The following TACC3 variants were observed in gnomAD, a reference collection of about 807,000 sequenced individuals.
TACC3 encodes transforming acidic coiled-coil containing protein 3, also known as transforming acidic coiled-coil-containing protein 3.
Under a neutral mutation model 86.0 loss-of-function variants are expected in TACC3, and 52 were observed. The observed-to-expected ratio is 0.60, with a 90% CI of 0.48 to 0.76. The LOEUF is 0.76. Among genes scored for constraint, TACC3 ranks in the 30% least tolerant of loss-of-function variants. The pLI, the probability that TACC3 is intolerant of heterozygous loss-of-function variation, is 0.00. For synonymous variants in TACC3, 512 were observed against 430.0 expected (o/e 1.19, Z -2.36); for missense variants, 1,120 against 1,070.4 (o/e 1.05, Z -0.65).
At position 1,745,085 on chromosome 4, in the gene TACC3, GTTC is replaced by G. The variant is rs1381177416; in HGVS notation, c.*75_*77del. The G allele has an allele frequency of 6.8e-7, 1 of 1,473,536 alleles. No individual in the cohort carries two copies. The allele number at this position is 1,473,536 out of a possible 1,614,324, so 91.3% of individuals were successfully genotyped here. A position where few individuals can be genotyped will look rare whatever the true frequency, so the allele number is the denominator to read the frequency against. ...CCTGTCTGATTCTCTTAGGTGTCAT[GTTC>G]TTTTTTCTGTCTTGTCTTCAACTTT... On this transcript the variant is annotated 3_prime_UTR_variant, in exon 16 of 16. Coordinates refer to ENST00000313288, the MANE Select transcript of TACC3 (RefSeq NM_006342.3).
chr4:1,741,183 G>A (rs192724610), intron 13 of TACC3, 197 bp downstream of exon 13: 235 of 500,168 alleles, frequency 4.7e-4, no homozygotes, highest in African/African-American at 4.1e-3. Flanking sequence ...AGCTGAGGGC[G>A]GCAGGAGGCA....
chr4:1,726,673 C>T (rs948384466), intron 3 of TACC3, among the ~76,000 whole-genome samples: 2 of 152,208 alleles, frequency 1.3e-5, no homozygotes, highest in African/African-American at 2.4e-5. Context: ...GATTATATGA[C>T]TTACAGGCCC....
chr4:1,728,853 G>C, intron 4 of TACC3, 66 bp downstream of exon 4: 7 of 1,468,228 alleles, frequency 4.8e-6, no homozygotes, highest in Non-Finnish European at 6.4e-6. Context: ...TGTGGTCCAG[G>C]ACCCGAGGCC....
chr4:1,725,507 C>T (rs191769011), intron 3 of TACC3, among the ~76,000 whole-genome samples: 34 of 152,338 alleles, frequency 2.2e-4, no homozygotes, highest in African/African-American at 7.5e-4. Flanking sequence ...TGGTTTACAA[C>T]GACCCCAAGA....
rs1432033318 is a variant in TACC3 at position 1,723,589 on chromosome 4, T to C, written c.162+6T>C. The C allele has an allele frequency of 3.7e-6, 6 of 1,612,736 alleles. No homozygotes were observed. Among genetic ancestry groups the C allele is most frequent in the African/African-American group, 2.7e-5 (2 of 75,024 alleles). On this transcript the variant is annotated splice_donor_region_variant and intron_variant, in intron 2 of 15. Coordinates refer to ENST00000313288, the MANE Select transcript of TACC3 (RefSeq NM_006342.3). ...ACCTGGCCAAAGCTATGAAGGTAAG[T>C]GTGACCTGTACAGTGTGTGGCTGGC...
chr4:1,725,055 C>T (rs955053466), intron 3 of TACC3, among the ~76,000 whole-genome samples: 8 of 151,870 alleles, frequency 5.3e-5, no homozygotes, highest in Admixed American at 6.6e-5. Flanking sequence ...CCTCAGCCTC[C>T]GAGTAGCTGG....
At chr4:1,732,554 A>G (rs798767) in intron 6 of TACC3, among the ~76,000 whole-genome samples, 116,179 of 151,840 alleles carry the variant, frequency 0.77, 44,661 homozygotes, top group East Asian at 0.86. Flanking sequence ...CCAGGTGGGT[A>G]TAAGATCTCA....
At chr4:1,731,443 C>T in intron 6 of TACC3, 142 bp downstream of exon 6, 3 of 948,014 alleles carry the variant, frequency 3.2e-6, no homozygotes, top group Non-Finnish European at 4.7e-6. Flanking sequence ...GACTCATGCA[C>T]AAACTTGTGG....
chr4:1,737,417 T>TATTC, intron 9 of TACC3, 89 bp downstream of exon 9: 1 of 1,364,212 alleles, frequency 7.3e-7, no homozygotes, highest in Non-Finnish European at 1.0e-6. Flanking sequence ...TTCCTGGGGG[T>TATTC]CTGAGCCTTT....
intron 3 of TACC3, among the ~76,000 whole-genome samples, chr4:1,727,325 G>A (rs1560296680): frequency 6.6e-6 from 1 of 152,220 alleles, no homozygotes; most frequent in East Asian, 1.9e-4. Flanking sequence ...CCTCGTGCAT[G>A]ATGACGAGTG....
rs551570184 is a variant in TACC3, at chr4:1,728,617, C to T, written c.1215C>T (p.Leu405=). 6.2e-6 allele frequency: 10 copies of T among 1,613,944 alleles called. No individual in the cohort carries two copies. Among genetic ancestry groups the T allele is most frequent in the East Asian group, 4.5e-5 (2 of 44,876 alleles). Reference sequence around the variant, plus strand: ...CAGCTTCTCGGGGCTCTTACCACCTCGACTGGGACAAAATGGATGACCCAA... The same window carrying T: ...CAGCTTCTCGGGGCTCTTACCACCTTGACTGGGACAAAATGGATGACCCAA... The part of the protein sequence containing the change: ...PMPASRGSYH[L]DWDKMDDPNF... The change falls in exon 4 of 16, where the codon CTC becomes CTT. Residue 405 remains leucine (L), a synonymous_variant. Coordinates refer to ENST00000313288, the MANE Select transcript of TACC3 (RefSeq NM_006342.3).
intron 13 of TACC3, among the ~76,000 whole-genome samples, chr4:1,742,422 C>G (rs572083838): frequency 1.2e-4 from 19 of 152,360 alleles, no homozygotes; most frequent in African/African-American, 4.1e-4. Context: ...GGCCACCTCC[C>G]TACTTCCTCA....
At chr4:1,721,699 T>TCCCGC (rs1210444493) in intron 1 of TACC3, 56 bp downstream of exon 1, 35 of 150,726 alleles carry the variant, frequency 2.3e-4, no homozygotes, top group East Asian at 7.9e-4. Flanking sequence ...CGCGAGGCCG[T>TCCCGC]CCCGCCCCGC....
chr4:1,721,892 C>G (rs1717393855), intron 1 of TACC3: 2 of 152,250 alleles, frequency 1.3e-5, no homozygotes, highest in African/African-American at 4.8e-5. Flanking sequence ...TGGGCCAAGA[C>G]CGACGGCGGA....
Position 1,735,093 on chromosome 4 carries a change from C to T in TACC3, c.1592-180C>T, listed in dbSNP as rs1286084804. On this transcript the variant is annotated intron_variant, in intron 6 of 15. Coordinates refer to ENST00000313288, the MANE Select transcript of TACC3 (RefSeq NM_006342.3). The surrounding 1 kb of genome is among the most constrained non-coding windows in gnomAD (Gnocchi z 4.2). ...GCTGGGGATGCCGCTCAGCACCCTG[C>T]GGTGCCCAGGAGGCGCCTGCCGCAG... 3.9e-5 allele frequency among the ~76,000 whole-genome samples: 6 copies of T among 152,182 alleles called. No individual in the cohort carries two copies. The highest frequency in any genetic ancestry group is 1.9e-4 in the East Asian group (1 of 5,192).
intron 13 of TACC3, among the ~76,000 whole-genome samples, chr4:1,743,091 TTC>T (rs1247853489): frequency 7.4e-6 from 1 of 134,514 alleles, no homozygotes; most frequent in Non-Finnish European, 1.6e-5. Context: ...GTGAAACCCT[TTC>T]TGTACTAAAA....
At chr4:1,738,113 C>T (rs930615664) in intron 10 of TACC3, 9 of 351,826 alleles carry the variant, frequency 2.6e-5, no homozygotes, top group Admixed American at 1.2e-4. Context: ...CTGAGGGTCC[C>T]GTGCCTTGTC....
chr4:1,725,920 T>G (rs1460102822), intron 3 of TACC3, among the ~76,000 whole-genome samples: 2 of 152,256 alleles, frequency 1.3e-5, no homozygotes, highest in Non-Finnish European at 2.9e-5. Context: ...AGAGGAGTTG[T>G]GAGCAGTCTG....
intron 13 of TACC3, among the ~76,000 whole-genome samples, chr4:1,742,525 A>G (rs2403293): frequency 0.4 from 60,422 of 152,180 alleles, 12,395 homozygotes; most frequent in Non-Finnish European, 0.46. Context: ...TATTGCTTCA[A>G]TAGAGACCTT....
Sources: gnomAD v4.1 joint callset for allele counts (sites outside exome capture counted in the v4.1 genomes callset) on GRCh38, gnomAD v4.1.1 for gene constraint, Gnocchi (gnomAD v3.1) non-coding constraint, MANE v1.5 for transcripts, NCBI Gene and HGNC (gene_info 2026-07-23, HGNC 2026-07-21) for gene names.